The following RASGRF2 variants were observed in gnomAD, a reference collection of about 807,000 sequenced individuals.
RASGRF2 encodes Ras protein specific guanine nucleotide releasing factor 2.
In RASGRF2, 76 loss-of-function variants were observed where a neutral mutation model predicts 151.0. That is an observed-to-expected ratio of 0.50 (90% CI 0.42 to 0.61). The LOEUF (loss-of-function observed/expected upper bound fraction) is 0.61. RASGRF2 is among the 20% of genes least tolerant of loss of function. The pLI is 0.00. For missense variants in RASGRF2, 1,148 were observed against 1,564.6 expected, an observed-to-expected ratio of 0.73 and a Z score of 4.49; for synonymous variants, 504 against 566.5, an observed-to-expected ratio of 0.89 and a Z score of 1.57.
intron 1 of RASGRF2, among the ~76,000 whole-genome samples, chr5:81,027,737 C>T (rs1298489614): frequency 1.3e-5 from 2 of 152,180 alleles, no homozygotes; most frequent in Non-Finnish European, 2.9e-5. Flanking sequence ...GTAGTAAAAA[C>T]ATTTCTGCTA....
At chr5:80,967,171 C>T (rs1365913070) in intron 1 of RASGRF2, among the ~76,000 whole-genome samples, 1 of 152,120 alleles carries the variant, frequency 6.6e-6, no homozygotes, top group Non-Finnish European at 1.5e-5. Context: ...GGTGGATCAC[C>T]TGAGGTCAGG....
At chr5:81,174,878 T>G (rs1754739431) in intron 17 of RASGRF2, among the ~76,000 whole-genome samples, 1 of 152,218 alleles carries the variant, frequency 6.6e-6, no homozygotes, top group South Asian at 2.1e-4. Context: ...CTCTCACACT[T>G]CAAAATTTAG....
chr5:81,191,104 G>A (rs746132899), intron 18 of RASGRF2, among the ~76,000 whole-genome samples: 5 of 152,158 alleles, frequency 3.3e-5, no homozygotes, highest in Non-Finnish European at 5.9e-5. Context: ...GACATCACCT[G>A]GTCCTTGTTT....
chr5:81,057,856 C>A (rs373594961), intron 2 of RASGRF2, among the ~76,000 whole-genome samples: 2 of 151,874 alleles, frequency 1.3e-5, no homozygotes, highest in South Asian at 2.1e-4. Context: ...ATTAGCCAGG[C>A]CTGGTGGTAT....
intron 1 of RASGRF2, among the ~76,000 whole-genome samples, chr5:81,025,796 G>T (rs926060915): frequency 6.6e-6 from 1 of 152,150 alleles, no homozygotes; most frequent in African/African-American, 2.4e-5. Flanking sequence ...GTAGTTGGGG[G>T]CCACTGGAGG....
intron 15 of RASGRF2, among the ~76,000 whole-genome samples, chr5:81,122,434 G>A (rs1753335134): frequency 6.6e-6 from 1 of 152,116 alleles, no homozygotes; most frequent in African/African-American, 2.4e-5. Context: ...CTGTAATTAT[G>A]TCATTCAGAG....
chr5:81,162,583 T>C lies in RASGRF2; in HGVS notation c.2687-17592T>C, dbSNP rs1307752830. ...GGCTGGTCTGGAACTCCTCACCTCG[T>C]GATCCACCTGCCTCGGCCTCCCAAA... On this transcript the variant is annotated intron_variant, in intron 17 of 26. Coordinates refer to ENST00000265080, the MANE Select transcript of RASGRF2 (RefSeq NM_006909.3). Among the ~76,000 whole-genome samples, 3 of 151,526 alleles carry C rather than the reference T, an allele frequency of 2.0e-5. No homozygotes were observed. The East Asian group carries it at 5.8e-4, about 29-fold the overall frequency.
chr5:81,124,042 A>T (rs574187139), intron 16 of RASGRF2, among the ~76,000 whole-genome samples: 197 of 152,336 alleles, frequency 1.3e-3, no homozygotes, highest in Middle Eastern at 3.4e-3. Flanking sequence ...TCTTGTCATT[A>T]TTCCCTAAAC....
chr5:81,197,441 C>T (rs1323478587), intron 18 of RASGRF2, among the ~76,000 whole-genome samples: 13 of 111,624 alleles, frequency 1.2e-4, no homozygotes, highest in East Asian at 8.4e-4. Flanking sequence ...CCGGCCTGGG[C>T]GACAGAGCGA....
chr5:81,225,666 C>G lies in RASGRF2; in HGVS notation c.3622-12C>G, dbSNP rs7725743. On this transcript the variant is annotated splice_polypyrimidine_tract_variant and intron_variant, in intron 26 of 26. Coordinates refer to ENST00000265080, the MANE Select transcript of RASGRF2 (RefSeq NM_006909.3). Reference sequence around the variant, plus strand: ...AAAGAGGTAAAAGCTGGGACTTCCCCTTTTTTTTCAGGTCGCACAGTACTT... The same window carrying G: ...AAAGAGGTAAAAGCTGGGACTTCCCGTTTTTTTTCAGGTCGCACAGTACTT... The G allele has an allele frequency of 6.8e-6, 11 of 1,608,518 alleles. No individual in the cohort carries two copies. In the Admixed American group the frequency reaches 8.5e-5, roughly 12 times the overall value.
intron 17 of RASGRF2, among the ~76,000 whole-genome samples, chr5:81,158,399 A>C (rs1754309927): frequency 6.6e-6 from 1 of 152,284 alleles, no homozygotes; most frequent in Non-Finnish European, 1.5e-5. Context: ...GTTGGGCAAA[A>C]ATTTTTTACA....
chr5:80,997,030 G>A (rs1470028152), intron 1 of RASGRF2, among the ~76,000 whole-genome samples: 1 of 152,160 alleles, frequency 6.6e-6, no homozygotes, highest in Non-Finnish European at 1.5e-5. Context: ...AATTAACTGA[G>A]TCAACATTTT....
rs1271321430 is a variant in RASGRF2 at position 81,003,218 on chromosome 5, C to CTTTTTTTT, written c.289-39644_289-39637dup. Among the ~76,000 whole-genome samples the CTTTTTTTT allele has an allele frequency of 3.1e-5, 3 of 97,838 alleles. 1 individual carries two copies. Among genetic ancestry groups the CTTTTTTTT allele is most frequent in the Non-Finnish European group, 2.0e-5 (1 of 50,086 alleles). The allele number at this position is 97,838 out of a possible 152,430, so 64.2% of individuals were successfully genotyped here. A position where few individuals can be genotyped will look rare whatever the true frequency, so the allele number is the denominator to read the frequency against. The stretch of plus-strand genomic sequence containing the variant: ...TATGGATGCATGCCACCACACCTGG[C>CTTTTTTTT]TTTTTTTTTTTTTTTTTTTTTTGAG... On this transcript the variant is annotated intron_variant, in intron 1 of 26. Transcript: ENST00000265080.
chr5:81,192,033 C>G (rs1019071881), intron 18 of RASGRF2, among the ~76,000 whole-genome samples: 1 of 152,168 alleles, frequency 6.6e-6, no homozygotes, highest in Non-Finnish European at 1.5e-5. Flanking sequence ...AAACTAATTT[C>G]CCAAACCACC....
At chr5:81,043,931 A>T (rs1424903767) in intron 2 of RASGRF2, among the ~76,000 whole-genome samples, 1 of 152,192 alleles carries the variant, frequency 6.6e-6, no homozygotes, top group Admixed American at 6.5e-5. Context: ...TGTGTACTGC[A>T]CGTGGGCGAT....
At chr5:81,123,501 A>G in intron 15 of RASGRF2, 141 bp from the exon 16 acceptor site, 11 of 1,036,172 alleles carry the variant, frequency 1.1e-5, no homozygotes, top group Non-Finnish European at 1.5e-5. Flanking sequence ...TAGTGTCATT[A>G]GTACTTGACT....
intron 15 of RASGRF2, among the ~76,000 whole-genome samples, chr5:81,115,625 G>A (rs916925724): frequency 6.6e-6 from 1 of 152,102 alleles, no homozygotes; most frequent in Admixed American, 6.5e-5. Flanking sequence ...GTTTTATTTT[G>A]TTTTTGTTGA....
At chr5:81,005,588 G>A (rs551589086) in intron 1 of RASGRF2, among the ~76,000 whole-genome samples, 39 of 152,100 alleles carry the variant, frequency 2.6e-4, no homozygotes, top group African/African-American at 9.2e-4. Context: ...TTTTCATGGA[G>A]AAAAAAAATC....
At chr5:80,969,265 G>C (rs1305781177) in intron 1 of RASGRF2, among the ~76,000 whole-genome samples, 3 of 150,420 alleles carry the variant, frequency 2.0e-5, no homozygotes, top group Non-Finnish European at 4.4e-5. Flanking sequence ...TGAGTACCTG[G>C]GATTACAGGT....
Sources: allele counts gnomAD v4.1 joint callset (sites outside exome capture counted in the v4.1 genomes callset), GRCh38; gene constraint gnomAD v4.1.1; transcripts MANE v1.5; gene names NCBI Gene and HGNC (gene_info 2026-07-23, HGNC 2026-07-21).